METTL25: variants seen among roughly 807,000 people sequenced by gnomAD.
The protein encoded by METTL25 is probable methyltransferase-like protein 25.
A neutral mutation model predicts 71.6 loss-of-function variants in METTL25; 64 were observed. The observed-to-expected ratio is 0.89, with a 90% CI of 0.73 to 1.10. METTL25 has a LOEUF of 1.10. METTL25 is among the 50% of genes least tolerant of loss of function. The probability of loss-of-function intolerance (pLI) is 0.00; values close to 1 mark genes in which losing one functional copy is unlikely to be tolerated. For missense variants in METTL25, 807 were observed against 707.0 expected, an observed-to-expected ratio of 1.14 and a Z score of -1.60; for synonymous variants, 287 against 250.3, an observed-to-expected ratio of 1.15 and a Z score of -1.38.
chr12:82,367,916 A>G (rs1396936372), intron 1 of METTL25, among the ~76,000 whole-genome samples: 1 of 152,182 alleles, frequency 6.6e-6, no homozygotes, highest in Non-Finnish European at 1.5e-5. Context: ...AGTACTGCAT[A>G]ATCTTGTGCA....
chr12:82,386,281 C>G (rs1328783528), intron 1 of METTL25, among the ~76,000 whole-genome samples: 1 of 152,174 alleles, frequency 6.6e-6, no homozygotes, highest in East Asian at 1.9e-4. Context: ...GGGGATATTA[C>G]CATTGTTCCT....
At chr12:82,370,358 C>T (rs764312526) in intron 1 of METTL25, among the ~76,000 whole-genome samples, 1 of 152,104 alleles carries the variant, frequency 6.6e-6, no homozygotes, top group Non-Finnish European at 1.5e-5. Context: ...AGATGGCTGC[C>T]ACGGGACCTA....
Position 82,476,728 on chromosome 12 carries a change from A to C in METTL25, c.1647+10A>C. 2 of 1,545,898 alleles carry C rather than the reference A, an allele frequency of 1.3e-6. No homozygotes were observed. Among genetic ancestry groups the C allele is most frequent in the South Asian group, 1.2e-5 (1 of 83,260 alleles). On this transcript the variant is annotated intron_variant, in intron 10 of 11. Coordinates refer to ENST00000248306, the MANE Select transcript of METTL25 (RefSeq NM_032230.3). The stretch of plus-strand genomic sequence containing the variant: ...GGAAGCTTTTAATATGGTAAATCTC[A>C]GAGTTAAGCATATTAAATTGGATAT...
At chr12:82,421,960 C>T (rs1303104452) in intron 5 of METTL25, among the ~76,000 whole-genome samples, 2 of 152,154 alleles carry the variant, frequency 1.3e-5, no homozygotes, top group Non-Finnish European at 2.9e-5. Flanking sequence ...CCGAATTCTA[C>T]CAGAGGTACA....
chr12:82,442,258 C>G (rs1890406139), intron 8 of METTL25, among the ~76,000 whole-genome samples: 1 of 152,116 alleles, frequency 6.6e-6, no homozygotes, highest in Non-Finnish European at 1.5e-5. Context: ...AGCTGACTTA[C>G]CTTTATACAA....
intron 5 of METTL25, among the ~76,000 whole-genome samples, chr12:82,413,199 T>C (rs1388944942): frequency 6.6e-6 from 1 of 151,894 alleles, no homozygotes; most frequent in Non-Finnish European, 1.5e-5. Flanking sequence ...AATGAAGACT[T>C]TGAAATGATG....
chr12:82,370,497 T>G, intron 1 of METTL25, among the ~76,000 whole-genome samples: 1 of 152,162 alleles, frequency 6.6e-6, no homozygotes, highest in Non-Finnish European at 1.5e-5. Flanking sequence ...CTGGTTAGTG[T>G]AAAAACAATA....
At chr12:82,418,296 G>T (rs1033364894) in intron 5 of METTL25, among the ~76,000 whole-genome samples, 3 of 152,090 alleles carry the variant, frequency 2.0e-5, no homozygotes, top group African/African-American at 7.2e-5. Context: ...GGTTGACTTT[G>T]TGTATGTTTT....
chr12:82,455,968 C>T lies in METTL25; in HGVS notation c.1479-759C>T, dbSNP rs568794529. On this transcript the variant is annotated intron_variant, in intron 8 of 11. Transcript: ENST00000248306. ...GTAATAAAAAGTGGAATTGAGATGC[C>T]GTCTTGAAATTGAGCTGAAGAAATA... 4.0e-5 allele frequency among the ~76,000 whole-genome samples: 6 copies of T among 151,746 alleles called. No individual in the cohort carries two copies. In the South Asian group the frequency reaches 8.3e-4, roughly 21 times the overall value.
chr12:82,403,193 ATTT>A, intron 5 of METTL25, 63 bp downstream of exon 5: 5 of 1,476,574 alleles, frequency 3.4e-6, no homozygotes, highest in Non-Finnish European at 4.6e-6. Context: ...TGCTATTTCT[ATTT>A]TCTATTTCTC....
chr12:82,434,719 C>A lies in METTL25; in HGVS notation c.1399C>A (p.Gln467Lys). Residue 467 changes from glutamine (Q) to lysine (K), a missense_variant, in exon 7 of 12, where the codon CAA becomes AAA. By Grantham distance (53) the Gln-to-Lys change is moderately conservative (BLOSUM62 1). Transcript: ENST00000248306. ...CLALERVAAG[Q>K]GLPTESLFYR... Reference sequence around the variant, plus strand: ...GGCATTGGAGCGGGTTGCAGCTGGCCAAGGGGTAAGTAAGAGTGTTAACTG... The same window carrying A: ...GGCATTGGAGCGGGTTGCAGCTGGCAAAGGGGTAAGTAAGAGTGTTAACTG... 6.2e-7 allele frequency: 1 copy of A among 1,609,146 alleles called. No homozygotes were observed. Among genetic ancestry groups the A allele is most frequent in the African/African-American group, 1.3e-5 (1 of 74,654 alleles).
chr12:82,474,987 C>T (rs1184465954), intron 9 of METTL25, among the ~76,000 whole-genome samples: 1 of 152,130 alleles, frequency 6.6e-6, no homozygotes, highest in Non-Finnish European at 1.5e-5. Flanking sequence ...ACATAGTTCT[C>T]TAAAGTGTCA....
intron 1 of METTL25, among the ~76,000 whole-genome samples, chr12:82,363,197 G>C (rs931832021): frequency 1.3e-5 from 2 of 152,208 alleles, no homozygotes; most frequent in African/African-American, 2.4e-5. Context: ...ATGCCTGGGA[G>C]ACCTAGAGAT....
intron 5 of METTL25, among the ~76,000 whole-genome samples, chr12:82,429,486 T>C (rs1889317144): frequency 6.6e-6 from 1 of 151,742 alleles, no homozygotes; most frequent in African/African-American, 2.4e-5. Context: ...ATATCTTTGC[T>C]ACTGTGAATA....
At chr12:82,445,903 T>C (rs1359880450) in intron 8 of METTL25, among the ~76,000 whole-genome samples, 1 of 152,232 alleles carries the variant, frequency 6.6e-6, no homozygotes, top group East Asian at 1.9e-4. Context: ...TAATTCACTA[T>C]GATATCGGTA....
chr12:82,396,763 A>G (rs1218841393), intron 3 of METTL25, among the ~76,000 whole-genome samples: 3 of 152,082 alleles, frequency 2.0e-5, no homozygotes, highest in Non-Finnish European at 4.4e-5. Flanking sequence ...ATTTTGTAGG[A>G]TATTTTCTCT....
At chr12:82,362,731 TAAG>T (rs1221679167) in intron 1 of METTL25, among the ~76,000 whole-genome samples, 2 of 152,072 alleles carry the variant, frequency 1.3e-5, no homozygotes, top group African/African-American at 4.8e-5. Flanking sequence ...GAAGAGAAGG[TAAG>T]AAAGGTGAAG....
At position 82,399,105 on chromosome 12, in the gene METTL25, T is replaced by C; in HGVS notation, c.842T>C (p.Phe281Ser). 5.0e-6 allele frequency: 8 copies of C among 1,613,796 alleles called. No individual in the cohort carries two copies. The highest frequency in any genetic ancestry group is 6.8e-6 in the Non-Finnish European group (8 of 1,179,838). The change falls in exon 4 of 12, where the codon TTT becomes TCT. Residue 281 changes from phenylalanine (F) to serine (S), a missense_variant. Phe to Ser is a radical substitution (Grantham distance 155, BLOSUM62 -2). Coordinates refer to ENST00000248306, the MANE Select transcript of METTL25 (RefSeq NM_032230.3). ...KMPTSAILPD[F>S]SGSVISNIRN... ...CCTACCTCAGCTATTTTGCCTGATTTTTCTGGCTCTGTAATTTCTAATATC... is the reference window on the plus strand; with the variant it reads ...CCTACCTCAGCTATTTTGCCTGATTCTTCTGGCTCTGTAATTTCTAATATC...
At chr12:82,369,756 C>T (rs1009605862) in intron 1 of METTL25, among the ~76,000 whole-genome samples, 1 of 136,782 alleles carries the variant, frequency 7.3e-6, no homozygotes, top group African/African-American at 2.7e-5. Flanking sequence ...CCATTTTACA[C>T]AGTGCTGATT....
Sources: gnomAD v4.1 joint callset for allele counts (sites outside exome capture counted in the v4.1 genomes callset) on GRCh38, gnomAD v4.1.1 for gene constraint, MANE v1.5 for transcripts, NCBI Gene and HGNC (gene_info 2026-07-23, HGNC 2026-07-21) for gene names.